The following TMC5 variants were observed in gnomAD, a reference collection of about 807,000 sequenced individuals.
TMC5 encodes transmembrane channel like 5, also known as transmembrane channel-like protein 5.
TMC5 carries 86 observed loss-of-function variants against 110.5 expected under a neutral mutation model. That is an observed-to-expected ratio of 0.78 (90% CI 0.65 to 0.93). The LOEUF (loss-of-function observed/expected upper bound fraction) is 0.93. Among genes scored for constraint, TMC5 ranks in the 40% least tolerant of loss-of-function variants. The pLI is 0.00. For missense variants in TMC5, 1,144 were observed against 1,222.8 expected (o/e 0.94, Z 0.96); for synonymous variants, 455 against 439.5 (o/e 1.04, Z -0.44).
At chr16:19,465,033 T>G (rs551076848) in intron 8 of TMC5, among the ~76,000 whole-genome samples, 1 of 124,830 alleles carries the variant, frequency 8.0e-6, no homozygotes, top group Non-Finnish European at 1.7e-5. Context: ...CTTTCTTTCT[T>G]TCTTTCTTTC....
At chr16:19,446,422 A>G (rs1967616308) in intron 4 of TMC5, among the ~76,000 whole-genome samples, 1 of 152,248 alleles carries the variant, frequency 6.6e-6, no homozygotes, top group East Asian at 1.9e-4. Context: ...ATAATGAAAC[A>G]AGATTGAGAC....
chr16:19,484,319 T>C (rs567107789), intron 15 of TMC5, among the ~76,000 whole-genome samples: 14 of 152,348 alleles, frequency 9.2e-5, no homozygotes, highest in African/African-American at 2.9e-4. Context: ...GTTTGCATGC[T>C]GCTAGATCAC....
chr16:19,440,897 G>C, intron 3 of TMC5, 71 bp downstream of exon 3: 1 of 1,494,646 alleles, frequency 6.7e-7, no homozygotes, highest in Non-Finnish European at 9.1e-7. Flanking sequence ...AATGGAATTT[G>C]GTTGGTGTGG....
intron 11 of TMC5, among the ~76,000 whole-genome samples, chr16:19,473,081 C>T (rs946828428): frequency 1.3e-5 from 2 of 151,966 alleles, no homozygotes; most frequent in Non-Finnish European, 2.9e-5. Context: ...CACAGTGGCT[C>T]ACGCCTGTAA....
intron 5 of TMC5, 70 bp downstream of exon 5, chr16:19,449,701 G>A (rs1967704141): frequency 7.2e-7 from 1 of 1,392,570 alleles, no homozygotes; most frequent in Non-Finnish European, 1.0e-6. Flanking sequence ...CATGTGTCGG[G>A]GGAGAGACCT....
chr16:19,472,314 G>A (rs1968364617), intron 11 of TMC5, 71 bp downstream of exon 11: 3 of 1,560,372 alleles, frequency 1.9e-6, no homozygotes, highest in Non-Finnish European at 2.6e-6. Flanking sequence ...GAAGGGTGGT[G>A]TGCAGCCTAC....
intron 2 of TMC5, among the ~76,000 whole-genome samples, chr16:19,434,060 AATC>A (rs1567300233): frequency 5.9e-4 from 11 of 18,564 alleles, no homozygotes; most frequent in African/African-American, 4.9e-3. Flanking sequence ...ATATAATATA[AATC>A]TATATATATT....
At chr16:19,444,377 G>T (rs4782248) in intron 4 of TMC5, 127 bp downstream of exon 4, 655,669 of 786,196 alleles carry the variant, frequency 0.83, 274,117 homozygotes, top group African/African-American at 0.93. Flanking sequence ...AGAGACCCTT[G>T]TTTTTACATA....
At chr16:19,448,854 T>C (rs1967681242) in intron 4 of TMC5, among the ~76,000 whole-genome samples, 1 of 145,004 alleles carries the variant, frequency 6.9e-6, no homozygotes. Flanking sequence ...AGTTTATATG[T>C]ATTTTTTTCT....
intron 19 of TMC5, among the ~76,000 whole-genome samples, chr16:19,493,465 C>CTCTGTCTT (rs71375644): frequency 4.5e-4 from 34 of 74,816 alleles, no homozygotes; most frequent in East Asian, 1.1e-3. Flanking sequence ...CTCTCTCTCT[C>CTCTGTCTT]TTTTTTTTTT....
At chr16:19,413,516 C>T (rs941912127), upstream of TMC5, among the ~76,000 whole-genome samples, 20 of 101,830 alleles carry the variant, frequency 2.0e-4, no homozygotes, top group African/African-American at 7.8e-4. Context: ...ATTGCCAAAC[C>T]CTGCCTCAAA....
chr16:19,464,007 G>A lies in TMC5; in HGVS notation c.1468G>A (p.Glu490Lys), dbSNP rs370266528. The A allele has an allele frequency of 2.2e-5, 35 of 1,613,944 alleles. No homozygotes were observed. The highest frequency in any genetic ancestry group is 3.0e-5 in the Non-Finnish European group (35 of 1,180,006). Residue 490 changes from glutamate (E) to lysine (K), a missense_variant, in exon 8 of 22, where the codon GAG (glutamate) becomes AAG (lysine). Physicochemically the swap from Glu to Lys is moderately conservative, Grantham distance 56 (BLOSUM62 1). Transcript: ENST00000542583. ...GAACACCCTCCAGTTCACTGGGCTG[G>A]AGTTTTTCACTGGGGTGGTAAGTCC... ...KKNTLQFTGL[E>K]FFTGVGYFRD... is the part of the protein sequence containing the mutation.
chr16:19,484,095 A>C (rs1257381237), intron 15 of TMC5, among the ~76,000 whole-genome samples: 1 of 152,104 alleles, frequency 6.6e-6, no homozygotes. Context: ...AAAAAAAAAA[A>C]AAAAGAATAG....
At chr16:19,410,613 G>A (rs1401443114), upstream of TMC5, 1 of 152,286 alleles carries the variant, frequency 6.6e-6, no homozygotes, top group Non-Finnish European at 1.5e-5. Context: ...GATGCCAGCA[G>A]GCGTCCCAAC....
rs773339720 is a variant in TMC5 at position 19,477,529 on chromosome 16, A to G, written c.2169+11A>G. 6.9e-6 allele frequency: 11 copies of G among 1,586,460 alleles called. No homozygotes were observed. Among genetic ancestry groups the G allele is most frequent in the Non-Finnish European group, 7.7e-6 (9 of 1,164,674 alleles). On this transcript the variant is annotated intron_variant, in intron 13 of 21. Transcript: ENST00000542583. The stretch of plus-strand genomic sequence containing the variant: ...CTGTCTGGTGAAGAGGTGAGATTCT[A>G]TGCTTCTCTGCCTTAAGTTTGGTTT...
intron 4 of TMC5, among the ~76,000 whole-genome samples, chr16:19,448,969 C>T (rs1400003952): frequency 1.2e-4 from 18 of 148,966 alleles, no homozygotes; most frequent in African/African-American, 3.5e-4. Flanking sequence ...TCATGCCATT[C>T]TGCCCCAGCC....
upstream of TMC5, among the ~76,000 whole-genome samples, chr16:19,413,341 C>T (rs191931781): frequency 9.9e-5 from 15 of 151,768 alleles, no homozygotes; most frequent in South Asian, 2.1e-4. Context: ...CCAGAGAACA[C>T]GGCAAGACCT....
chr16:19,478,528 G>A (rs982454035), intron 13 of TMC5, among the ~76,000 whole-genome samples: 4 of 151,412 alleles, frequency 2.6e-5, no homozygotes, highest in African/African-American at 9.7e-5. Context: ...CTATTCATCT[G>A]TCCATCCATG....
At chr16:19,449,902 G>GC (rs1011253787) in intron 5 of TMC5, among the ~76,000 whole-genome samples, 4 of 152,050 alleles carry the variant, frequency 2.6e-5, no homozygotes, top group African/African-American at 7.3e-5. Flanking sequence ...CCTGAGAAAT[G>GC]CCCCCCAGCC....
Sources: allele counts gnomAD v4.1 joint callset (sites outside exome capture counted in the v4.1 genomes callset), GRCh38; gene constraint gnomAD v4.1.1; transcripts MANE v1.5; gene names NCBI Gene and HGNC (gene_info 2026-07-23, HGNC 2026-07-21).